The following ARHGAP32 variants were observed in gnomAD, a reference collection of about 807,000 sequenced individuals.
The protein encoded by ARHGAP32 is Rho GTPase activating protein 32, also known as rho GTPase-activating protein 32.
A neutral mutation model predicts 186.5 loss-of-function variants in ARHGAP32; 51 were observed. The ratio of observed to expected loss-of-function variants is 0.27; its 90% confidence interval spans 0.22 to 0.35. ARHGAP32 has a LOEUF of 0.35. Ranked by LOEUF, ARHGAP32 falls within the 10% of genes least tolerant of loss-of-function variation. ARHGAP32 has a pLI of 1.00. For synonymous variants in ARHGAP32, 950 were observed against 964.3 expected (o/e 0.99, Z 0.27); for missense variants, 2,186 against 2,623.5 (o/e 0.83, Z 3.64).
At chr11:129,054,618 A>T (rs1210006144) in intron 10 of ARHGAP32, among the ~76,000 whole-genome samples, 1 of 152,200 alleles carries the variant, frequency 6.6e-6, no homozygotes, top group African/African-American at 2.4e-5. Flanking sequence ...CTGAGGTATC[A>T]CCTCATATTT....
intron 10 of ARHGAP32, among the ~76,000 whole-genome samples, chr11:129,059,316 T>TA (rs1940393379): frequency 6.6e-6 from 1 of 152,040 alleles, no homozygotes; most frequent in South Asian, 2.1e-4. Flanking sequence ...TTTGTGAAAT[T>TA]AAAGAAAACA....
chr11:129,219,123 C>G (rs1944681774), intron 1 of ARHGAP32, among the ~76,000 whole-genome samples: 1 of 152,180 alleles, frequency 6.6e-6, no homozygotes, highest in Non-Finnish European at 1.5e-5. Flanking sequence ...AGATTTCAAC[C>G]TCAGATTATG....
chr11:129,077,600 G>A (rs1941084549), intron 6 of ARHGAP32, among the ~76,000 whole-genome samples: 1 of 151,932 alleles, frequency 6.6e-6, no homozygotes, highest in African/African-American at 2.4e-5. Context: ...TAACTCCAAT[G>A]GCCTGAGAAT....
chr11:128,969,376 T>C lies in ARHGAP32; in HGVS notation c.5837A>G (p.Gln1946Arg). ...NSGVKYAASG[Q>R]ESLRLNHKEV... Reference sequence around the variant, plus strand: ...TTTGTGGTTCAGTCTTAAAGATTCTTGCCCGGATGCAGCATATTTTACTCC... The same window carrying C: ...TTTGTGGTTCAGTCTTAAAGATTCTCGCCCGGATGCAGCATATTTTACTCC... Residue 1946 changes from glutamine (Q) to arginine (R), a missense_variant, in exon 23 of 23, where the codon CAA becomes CGA. Around this residue, in one of 5 missense-constraint regions of ARHGAP32, gnomAD observed 1,502 missense variants for 1,570.0 expected, o/e 0.96. Coordinates refer to ENST00000682385, the MANE Select transcript of ARHGAP32 (RefSeq NM_001378024.1). This position sits in a 1 kb window ranked among gnomAD's most constrained non-coding sequence, Gnocchi z 4.8. 6.2e-7 allele frequency: 1 copy of C among 1,614,232 alleles called. No homozygotes were observed. Among genetic ancestry groups the C allele is most frequent in the African/African-American group, 1.3e-5 (1 of 75,070 alleles).
chr11:129,171,161 G>A (rs1487952222), intron 1 of ARHGAP32, among the ~76,000 whole-genome samples: 3 of 152,140 alleles, frequency 2.0e-5, no homozygotes, highest in Non-Finnish European at 4.4e-5. Context: ...CTGTGGAGAT[G>A]GTATTTTGTT....
Position 128,987,907 on chromosome 11 carries a change from A to G in ARHGAP32, c.1298+116T>C, listed in dbSNP as rs1449184131. The G allele has an allele frequency of 6.9e-6, 5 of 728,512 alleles. No homozygotes were observed. In the African/African-American group the frequency reaches 7.1e-5, roughly 10 times the overall value. The allele number at this position is 728,512 out of a possible 1,614,324, so 45.1% of individuals were successfully genotyped here. A position where few individuals can be genotyped will look rare whatever the true frequency, so the allele number is the denominator to read the frequency against. ...GACAATAACATGTATATTATTTCCT[A>G]TTTTATCTAAATTATCTTTAATGAA... On this transcript the variant is annotated intron_variant, in intron 13 of 22. Coordinates refer to ENST00000682385, the MANE Select transcript of ARHGAP32 (RefSeq NM_001378024.1).
chr11:129,060,372 GATAGATAGATAA>G (rs1482968157), intron 10 of ARHGAP32, among the ~76,000 whole-genome samples: 2 of 147,296 alleles, frequency 1.4e-5, no homozygotes, highest in African/African-American at 5.0e-5. Context: ...TAGATAGATA[GATAGATAGATAA>G]GATAGACAGA....
chr11:129,037,801 C>T (rs1250539688), intron 11 of ARHGAP32, among the ~76,000 whole-genome samples: 1 of 151,672 alleles, frequency 6.6e-6, no homozygotes, highest in Non-Finnish European at 1.5e-5. Context: ...GTACTATTGG[C>T]ATAAGAAAAC....
At chr11:129,093,838 T>C in intron 5 of ARHGAP32, 131 bp from the exon 6 acceptor site, 4 of 653,890 alleles carry the variant, frequency 6.1e-6, no homozygotes, top group East Asian at 2.7e-5. Flanking sequence ...ATATCTTATA[T>C]GAGAACTTCA....
chr11:129,150,954 AC>A (rs1210400476), intron 2 of ARHGAP32, among the ~76,000 whole-genome samples: 19 of 151,492 alleles, frequency 1.3e-4, no homozygotes, highest in African/African-American at 4.6e-4. Context: ...AAAAAATTCC[AC>A]CAACCGATTA....
upstream of ARHGAP32, among the ~76,000 whole-genome samples, chr11:129,192,624 C>A (rs1297387306): frequency 1.3e-5 from 2 of 152,086 alleles, no homozygotes; most frequent in Non-Finnish European, 2.9e-5. Flanking sequence ...AGAATAACAC[C>A]ATCCACTGGC....
At chr11:128,989,810 G>A (rs1232525185) in intron 12 of ARHGAP32, among the ~76,000 whole-genome samples, 1 of 151,798 alleles carries the variant, frequency 6.6e-6, no homozygotes, top group Admixed American at 6.6e-5. Flanking sequence ...AACATGTGGT[G>A]TTTGGTTTTC....
At chr11:129,110,544 TAAC>T (rs1942180010) in intron 5 of ARHGAP32, among the ~76,000 whole-genome samples, 1 of 152,212 alleles carries the variant, frequency 6.6e-6, no homozygotes, top group Non-Finnish European at 1.5e-5. Flanking sequence ...ATGGTCATTT[TAAC>T]AACATTAATT....
At chr11:129,164,278 A>G (rs1052607351) in intron 2 of ARHGAP32, 41 bp downstream of exon 2, 1 of 1,170,094 alleles carries the variant, frequency 8.5e-7, no homozygotes, top group African/African-American at 1.6e-5. Context: ...CTATATATAC[A>G]TATATATGTA....
chr11:129,040,957 T>A lies in ARHGAP32; in HGVS notation c.1016A>T (p.Gln339Leu). 6.2e-7 allele frequency: 1 copy of A among 1,606,894 alleles called. No homozygotes were observed. The highest frequency in any genetic ancestry group is 1.1e-5 in the South Asian group (1 of 89,060). The change falls in exon 11 of 23, where the codon CAG becomes CTG. Residue 339 changes from glutamine to leucine, a missense_variant. By Grantham distance (113) the Gln-to-Leu change is moderately radical. Coordinates refer to ENST00000682385, the MANE Select transcript of ARHGAP32 (RefSeq NM_001378024.1). Reference protein sequence around the residue: ...CVELINQKVPQSVTNSVPKPV... With the variant: ...CVELINQKVPLSVTNSVPKPV... ...TTTTGGCACTGAGTTGGTCACTGAC[T>A]GGGGAACTTTTTGGTTAATTAACTC...
intron 5 of ARHGAP32, among the ~76,000 whole-genome samples, chr11:129,094,598 G>A (rs1941676614): frequency 6.6e-6 from 1 of 152,166 alleles, no homozygotes; most frequent in African/African-American, 2.4e-5. Flanking sequence ...TTTAAATGAG[G>A]TGTATATTCC....
In ARHGAP32 at chr11:128,981,902, G is replaced by C; in HGVS notation, c.1561C>G (p.Leu521Val). 6.2e-7 allele frequency: 1 copy of C among 1,612,176 alleles called. No homozygotes were observed. The highest frequency in any genetic ancestry group is 8.5e-7 in the Non-Finnish European group (1 of 1,179,326). ...TTTGTGATGGAACAATAGTCAGCTA[G>C]AAGAGACAAGTGTCTCATCAGGAAC... ...LEFLMRHLSL[L>V]ADYCSITNMH... The change falls in exon 16 of 23, where the codon CTA becomes GTA. Residue 521 changes from leucine to valine, a missense_variant. By Grantham distance (32) the Leu-to-Val change is conservative (BLOSUM62 1). Around this residue, in one of 5 missense-constraint regions of ARHGAP32, gnomAD observed 308 missense variants for 596.5 expected, o/e 0.52. Transcript: ENST00000682385.
intron 2 of ARHGAP32, among the ~76,000 whole-genome samples, chr11:129,135,296 A>G (rs1342579358): frequency 6.6e-6 from 1 of 152,234 alleles, no homozygotes; most frequent in Non-Finnish European, 1.5e-5. Context: ...AATAACTAAG[A>G]CAGTGTGGTA....
chr11:129,242,161 G>T (rs1020226750), intron 1 of ARHGAP32, among the ~76,000 whole-genome samples: 3 of 152,066 alleles, frequency 2.0e-5, no homozygotes, highest in African/African-American at 7.2e-5. Flanking sequence ...CCTTGGTTAG[G>T]GTGAGACAAG....
Sources: allele counts gnomAD v4.1 joint callset (sites outside exome capture counted in the v4.1 genomes callset), GRCh38; gene constraint gnomAD v4.1.1; regional missense constraint gnomAD v4.1.1; non-coding constraint Gnocchi (gnomAD v3.1); transcripts MANE v1.5; gene names NCBI Gene and HGNC (gene_info 2026-07-23, HGNC 2026-07-21).